Variants in SLC47A2 observed in about 807,000 individuals in gnomAD.
SLC47A2 encodes the protein solute carrier family 47 member 2.
Under a neutral mutation model 67.7 loss-of-function variants are expected in SLC47A2, and 52 were observed. The observed-to-expected ratio is 0.77, with a 90% CI of 0.61 to 0.97. The LOEUF (loss-of-function observed/expected upper bound fraction) is 0.97. Among genes scored for constraint, SLC47A2 ranks in the 50% least tolerant of loss-of-function variants. SLC47A2 has a pLI of 0.00. For synonymous variants in SLC47A2, 278 were observed against 292.9 expected (o/e 0.95, Z 0.52); for missense variants, 676 against 712.3 (o/e 0.95, Z 0.58).
chr17:19,687,616 G>GA (rs1202049925), intron 13 of SLC47A2, among the ~76,000 whole-genome samples: 1 of 150,384 alleles, frequency 6.6e-6, no homozygotes, highest in Non-Finnish European at 1.5e-5. Context: ...GCCAGATGAA[G>GA]AAAAAAAAGA....
chr17:19,693,418 T>C (rs2085586455), intron 13 of SLC47A2, among the ~76,000 whole-genome samples: 1 of 152,048 alleles, frequency 6.6e-6, no homozygotes. Context: ...ATACTTCGAA[T>C]ACTTTCCCCT....
At chr17:19,692,224 T>C (rs569566293) in intron 13 of SLC47A2, 40 of 354,532 alleles carry the variant, frequency 1.1e-4, no homozygotes, top group South Asian at 7.2e-4. Flanking sequence ...CGAGACTCCA[T>C]GTCAAAAAAA....
chr17:19,694,915 CAAAAAA>C (rs34430678), intron 13 of SLC47A2, among the ~76,000 whole-genome samples: 1 of 122,114 alleles, frequency 8.2e-6, no homozygotes, highest in Non-Finnish European at 1.7e-5. Flanking sequence ...GACTCCATCT[CAAAAAA>C]AAAAAAAAAA....
chr17:19,715,104 C>T lies in SLC47A2; in HGVS notation c.225+12G>A, dbSNP rs1231549431. On this transcript the variant is annotated intron_variant, in intron 2 of 16. Coordinates refer to ENST00000433844, the MANE Select transcript of SLC47A2 (RefSeq NM_001099646.3). ...GAGAACGTCCCTGCTCTGGGCCAAG[C>T]TGGGTACTCACGGCCACCGCGAGGG... 8 of 1,610,644 alleles carry T rather than the reference C, an allele frequency of 5.0e-6. No individual in the cohort carries two copies. The highest frequency in any genetic ancestry group is 6.8e-6 in the Non-Finnish European group (8 of 1,179,580).
At chr17:19,711,563 T>A (rs1254597210) in intron 5 of SLC47A2, among the ~76,000 whole-genome samples, 2 of 111,246 alleles carry the variant, frequency 1.8e-5, no homozygotes, top group Admixed American at 2.8e-4. Flanking sequence ...CACTCCAGCC[T>A]GGATGACAGA....
Position 19,678,925 on chromosome 17 carries a change from G to C in SLC47A2, c.1481-19C>G. ...GTAGCCACTGCGGAAGCAAACAGGA[G>C]CAAACTCAGCAGGTCAGGGGTCAGA... On this transcript the variant is annotated intron_variant, in intron 16 of 16. Coordinates refer to ENST00000433844, the MANE Select transcript of SLC47A2 (RefSeq NM_001099646.3). 1 of 1,553,324 alleles carries C rather than the reference G, an allele frequency of 6.4e-7. No individual in the cohort carries two copies. Among genetic ancestry groups the C allele is most frequent in the Non-Finnish European group, 8.7e-7 (1 of 1,146,838 alleles).
intron 13 of SLC47A2, among the ~76,000 whole-genome samples, chr17:19,682,312 G>A (rs548539557): frequency 2.8e-4 from 42 of 149,958 alleles, no homozygotes; most frequent in African/African-American, 9.1e-4. Flanking sequence ...TAGCCTGGGC[G>A]ACAGAGCGAG....
rs759452613 is a variant in SLC47A2, at chr17:19,708,406, T to C, written c.532-7A>G. 1.9e-6 allele frequency: 3 copies of C among 1,613,958 alleles called. No homozygotes were observed. Among genetic ancestry groups the C allele is most frequent in the African/African-American group, 1.3e-5 (1 of 74,894 alleles). On this transcript the variant is annotated splice_polypyrimidine_tract_variant and splice_region_variant and intron_variant, in intron 6 of 16. Coordinates refer to ENST00000433844, the MANE Select transcript of SLC47A2 (RefSeq NM_001099646.3). The stretch of plus-strand genomic sequence containing the variant: ...CTTGGGGCCAGGTGATCTTCTGAAA[T>C]AAATGAAAACTGGCCCTGCTAAGGT...
rs761576356 is a variant in SLC47A2, at chr17:19,681,420, C to T, written c.1339G>A (p.Ala447Thr). 6.2e-6 allele frequency: 10 copies of T among 1,613,454 alleles called. No individual in the cohort carries two copies. The highest frequency in any genetic ancestry group is 6.8e-6 in the Non-Finnish European group (8 of 1,179,790). ...GMLACVFLAT[A>T]AFVAYTARLD... The stretch of plus-strand genomic sequence containing the variant: ...CGGGCAGTATAAGCAACAAAGGCAG[C>T]AGTTGCCAGGAAGACACAGGCCAGC... The change falls in exon 15 of 17, where the codon GCT becomes ACT. Residue 447 changes from alanine (A) to threonine (T), a missense_variant. Physicochemically the swap from Ala to Thr is moderately conservative, Grantham distance 58. Coordinates refer to ENST00000433844, the MANE Select transcript of SLC47A2 (RefSeq NM_001099646.3).
At chr17:19,681,227 A>AAAC (rs561283848) in intron 15 of SLC47A2, 140 bp downstream of exon 15, 1 of 518,884 alleles carries the variant, frequency 1.9e-6, no homozygotes. Flanking sequence ...ACAAACAAAC[A>AAAC]AAAAAAAAAA....
intron 13 of SLC47A2, among the ~76,000 whole-genome samples, chr17:19,681,916 G>C (rs1406136081): frequency 6.6e-6 from 1 of 152,192 alleles, no homozygotes; most frequent in Non-Finnish European, 1.5e-5. Flanking sequence ...AGGCTTCACT[G>C]CCACACCATA....
chr17:19,705,333 T>A, intron 10 of SLC47A2, 103 bp downstream of exon 10: 1 of 1,293,484 alleles, frequency 7.7e-7, no homozygotes, highest in African/African-American at 1.5e-5. Flanking sequence ...GGAGGGTCCT[T>A]CGGGAGACAG....
At chr17:19,702,071 T>C (rs2085799308) in intron 13 of SLC47A2, 1 of 949,290 alleles carries the variant, frequency 1.1e-6, no homozygotes, top group Non-Finnish European at 1.3e-6. Context: ...ATCGCACTGC[T>C]GCACTCCAGC....
chr17:19,714,701 A>C lies in SLC47A2; in HGVS notation c.294+20T>G. ...TCTGCCCTTGCCTGGCTTCCTGCCC[A>C]GCTCCAGGAGGCCACCCACCTGAGA... On this transcript the variant is annotated intron_variant, in intron 3 of 16. Transcript: ENST00000433844. 3 of 1,613,680 alleles carry C rather than the reference A, an allele frequency of 1.9e-6. No homozygotes were observed. Among genetic ancestry groups the C allele is most frequent in the Non-Finnish European group, 2.5e-6 (3 of 1,179,930 alleles).
chr17:19,696,771 A>G (rs1474217417), intron 13 of SLC47A2, among the ~76,000 whole-genome samples: 1 of 152,194 alleles, frequency 6.6e-6, no homozygotes, highest in Admixed American at 6.5e-5. Context: ...GTGTTGCTAT[A>G]ACATAATACC....
rs553248121 is a variant in SLC47A2 at position 19,704,883 on chromosome 17, T to C, written c.909+553A>G. On this transcript the variant is annotated intron_variant, in intron 10 of 16. Coordinates refer to ENST00000433844, the MANE Select transcript of SLC47A2 (RefSeq NM_001099646.3). ...CTCTGTTGCCTAGGCTTGAGTGCAGTGGCACGATCTCGGCTCACTGCAACC... is the reference window on the plus strand; with the variant it reads ...CTCTGTTGCCTAGGCTTGAGTGCAGCGGCACGATCTCGGCTCACTGCAACC... 1.1e-5 allele frequency: 5 copies of C among 474,590 alleles called. No homozygotes were observed. In the South Asian group the frequency reaches 1.3e-4, roughly 13 times the overall value. The allele number at this position is 474,590 out of a possible 1,614,324, so 29.4% of individuals were successfully genotyped here.
At chr17:19,704,274 G>T (rs577518287) in intron 10 of SLC47A2, 96 bp from the exon 11 acceptor site, 1 of 966,480 alleles carries the variant, frequency 1.0e-6, no homozygotes, top group Non-Finnish European at 1.5e-6. Flanking sequence ...GAGCGGGAAG[G>T]CAGAGCAGAT....
upstream of SLC47A2, chr17:19,718,389 C>G (rs2086305614): frequency 6.6e-6 from 1 of 152,446 alleles, no homozygotes; most frequent in Admixed American, 6.5e-5. Flanking sequence ...TTAATGAGGA[C>G]AGCTGGTTCC....
chr17:19,703,748 G>A (rs2085851308), intron 11 of SLC47A2, among the ~76,000 whole-genome samples: 1 of 152,216 alleles, frequency 6.6e-6, no homozygotes, highest in South Asian at 2.1e-4. Flanking sequence ...GGCAGGAAGG[G>A]CCGTCAAAGA....
Sources: allele counts gnomAD v4.1 joint callset (sites outside exome capture counted in the v4.1 genomes callset), GRCh38; gene constraint gnomAD v4.1.1; transcripts MANE v1.5; gene names NCBI Gene and HGNC (gene_info 2026-07-23, HGNC 2026-07-21).